SLC9A9: variants seen among roughly 807,000 people sequenced by gnomAD.
The protein encoded by SLC9A9 is solute carrier family 9 member A9.
In SLC9A9, 62 loss-of-function variants were observed where a neutral mutation model predicts 77.8. The ratio of observed to expected loss-of-function variants is 0.80; its 90% CI spans 0.65 to 0.98. The LOEUF is 0.98. Ranked by LOEUF, SLC9A9 falls within the 50% of genes least tolerant of loss-of-function variation. The pLI, the probability that SLC9A9 is intolerant of heterozygous loss-of-function variation, is 0.00. For synonymous variants in SLC9A9, 320 were observed against 283.5 expected (o/e 1.13, Z -1.29); for missense variants, 775 against 774.9 (o/e 1.00, Z 0.00).
chr3:143,796,990 T>C, intron 2 of SLC9A9, 87 bp from the exon 3 acceptor site: 1 of 1,078,388 alleles, frequency 9.3e-7, no homozygotes, highest in Non-Finnish European at 1.4e-6. Context: ...TGTAATTGCT[T>C]TTGCTAAGCC....
chr3:143,824,713 A>G (rs909005149), intron 2 of SLC9A9, among the ~76,000 whole-genome samples: 1 of 152,224 alleles, frequency 6.6e-6, no homozygotes, highest in Non-Finnish European at 1.5e-5. Context: ...TGAATGACTG[A>G]AGGAATGAAG....
intron 6 of SLC9A9, among the ~76,000 whole-genome samples, chr3:143,613,031 A>ATAACATACTGCTTGTATT (rs2038047224): frequency 6.6e-6 from 1 of 152,236 alleles, no homozygotes; most frequent in Non-Finnish European, 1.5e-5. Context: ...TAGCCTCCCA[A>ATAACATACTGCTTGTATT]TAACATACTG....
intron 4 of SLC9A9, among the ~76,000 whole-genome samples, chr3:143,724,920 A>G (rs1177607999): frequency 6.6e-6 from 1 of 152,098 alleles, no homozygotes; most frequent in African/African-American, 2.4e-5. Context: ...CAAAATCCTC[A>G]TGATACAGCC....
chr3:143,501,115 G>A (rs1036217563), intron 9 of SLC9A9, among the ~76,000 whole-genome samples: 3 of 150,082 alleles, frequency 2.0e-5, no homozygotes, highest in African/African-American at 5.0e-5. Context: ...TTTTTCAATC[G>A]GGAAATTTTA....
chr3:143,598,995 T>C (rs898716413), intron 6 of SLC9A9, among the ~76,000 whole-genome samples: 3 of 152,208 alleles, frequency 2.0e-5, no homozygotes, highest in Admixed American at 1.3e-4. Context: ...ATTATGTAAG[T>C]AGAACCCACA....
intron 5 of SLC9A9, among the ~76,000 whole-genome samples, chr3:143,655,032 T>G (rs2038864713): frequency 6.6e-6 from 1 of 152,218 alleles, no homozygotes. Context: ...TTGTCTACCC[T>G]GTGAAGAAAT....
At chr3:143,429,817 G>C (rs553567642) in intron 12 of SLC9A9, among the ~76,000 whole-genome samples, 8 of 152,252 alleles carry the variant, frequency 5.3e-5, no homozygotes, top group African/African-American at 1.9e-4. Flanking sequence ...GCAGCTAAGC[G>C]CTAGTAATAC....
At chr3:143,658,666 C>G (rs1250822486) in intron 5 of SLC9A9, among the ~76,000 whole-genome samples, 2 of 152,160 alleles carry the variant, frequency 1.3e-5, no homozygotes, top group Non-Finnish European at 2.9e-5. Flanking sequence ...CACCTCCATC[C>G]CTTTGACTTC....
At chr3:143,616,436 G>A (rs1243989386) in intron 6 of SLC9A9, among the ~76,000 whole-genome samples, 1 of 152,106 alleles carries the variant, frequency 6.6e-6, no homozygotes, top group African/African-American at 2.4e-5. Context: ...CAAATGACTT[G>A]GGGACAGTGA....
intron 2 of SLC9A9, among the ~76,000 whole-genome samples, chr3:143,821,883 C>T (rs1394993617): frequency 1.3e-5 from 2 of 152,202 alleles, no homozygotes; most frequent in African/African-American, 4.8e-5. Context: ...AAAATCTAGA[C>T]AAAGCTTCCC....
At chr3:143,504,998 A>G (rs189964889) in intron 9 of SLC9A9, among the ~76,000 whole-genome samples, 29 of 152,322 alleles carry the variant, frequency 1.9e-4, no homozygotes, top group Admixed American at 1.4e-3. Flanking sequence ...ATTTTCATAC[A>G]CACATCTTGT....
chr3:143,723,649 T>G (rs1934561247), intron 4 of SLC9A9, among the ~76,000 whole-genome samples: 1 of 152,186 alleles, frequency 6.6e-6, no homozygotes, highest in Admixed American at 6.5e-5. Flanking sequence ...GGAAGCATAT[T>G]CCCTGAATAT....
chr3:143,734,798 T>A (rs1388791744), intron 4 of SLC9A9, among the ~76,000 whole-genome samples: 1 of 151,628 alleles, frequency 6.6e-6, no homozygotes, highest in Non-Finnish European at 1.5e-5. Context: ...GTGTTCAATG[T>A]CACAGAGGTG....
chr3:143,643,831 C>T (rs1220830301), intron 6 of SLC9A9, among the ~76,000 whole-genome samples: 1 of 152,096 alleles, frequency 6.6e-6, no homozygotes, highest in East Asian at 1.9e-4. Context: ...GGGAATGTGA[C>T]TCAGATCTGA....
At chr3:143,321,308 T>G (rs1278270415) in intron 14 of SLC9A9, among the ~76,000 whole-genome samples, 2 of 152,214 alleles carry the variant, frequency 1.3e-5, no homozygotes, top group Non-Finnish European at 2.9e-5. Context: ...GGCAGTATGT[T>G]TTTAATCACA....
intron 14 of SLC9A9, among the ~76,000 whole-genome samples, chr3:143,354,709 C>A (rs1015891884): frequency 6.6e-6 from 1 of 152,176 alleles, no homozygotes; most frequent in Non-Finnish European, 1.5e-5. Flanking sequence ...AAACTAAATT[C>A]AATACTGGCA....
At chr3:143,321,617 T>C (rs1434357067) in intron 14 of SLC9A9, among the ~76,000 whole-genome samples, 1 of 152,204 alleles carries the variant, frequency 6.6e-6, no homozygotes, top group Non-Finnish European at 1.5e-5. Context: ...GTGACAGTTA[T>C]GTTTTAGGGT....
At chr3:143,750,704 G>A (rs1009579342) in intron 4 of SLC9A9, among the ~76,000 whole-genome samples, 1 of 148,132 alleles carries the variant, frequency 6.8e-6, no homozygotes, top group Non-Finnish European at 1.5e-5. Flanking sequence ...AGGGTACAGA[G>A]TAAAAACAAA....
chr3:143,406,521 G>A (rs545786631), intron 12 of SLC9A9, among the ~76,000 whole-genome samples: 9 of 152,058 alleles, frequency 5.9e-5, no homozygotes, highest in African/African-American at 2.2e-4. Flanking sequence ...GGGATCACAG[G>A]TGCTTGCCTT....
Sources: gnomAD v4.1 joint callset for allele counts (sites outside exome capture counted in the v4.1 genomes callset) on GRCh38, gnomAD v4.1.1 for gene constraint, MANE v1.5 for transcripts, NCBI Gene and HGNC (gene_info 2026-07-23, HGNC 2026-07-21) for gene names.